MAPK8: variants seen among roughly 807,000 people sequenced by gnomAD.
MAPK8 encodes the protein JUN N-terminal kinase.
A neutral mutation model predicts 52.9 loss-of-function variants in MAPK8; 13 were observed. The ratio of observed to expected loss-of-function variants is 0.25; its 90% confidence interval spans 0.16 to 0.39. The LOEUF is 0.39. MAPK8 is among the 10% of genes least tolerant of loss of function. The pLI, the probability that MAPK8 is intolerant of heterozygous loss-of-function variation, is 1.00. For synonymous variants in MAPK8, 191 were observed against 169.8 expected, an observed-to-expected ratio of 1.12 and a Z score of -0.97; for missense variants, 300 against 519.2, an observed-to-expected ratio of 0.58 and a Z score of 4.10.
chr10:48,314,912 T>G lies in MAPK8; in HGVS notation c.-50+8091T>G, dbSNP rs117439228. 1.0e-3 allele frequency among the ~76,000 whole-genome samples: 158 copies of G among 152,308 alleles called. No individual in the cohort carries two copies. In the Middle Eastern group the frequency reaches 0.034, roughly 33 times the overall value. ...CCAACTTTATTTTCTTCACCAGATA[T>G]CCATCCATTTGTCCCTACACCATTT... is the stretch of plus-strand genomic sequence containing the variant. On this transcript the variant is annotated intron_variant, in intron 1 of 11. Transcript: ENST00000374189.
At chr10:48,430,788 G>A (rs1332649817) in intron 10 of MAPK8, 2 of 208,544 alleles carry the variant, frequency 9.6e-6, no homozygotes, top group East Asian at 1.6e-4. Flanking sequence ...CAGTGCACCA[G>A]GCTCTATTCC....
intron 1 of MAPK8, among the ~76,000 whole-genome samples, chr10:48,344,175 A>G (rs2889595): frequency 0.81 from 122,946 of 152,188 alleles, 49,854 homozygotes; most frequent in Middle Eastern, 0.9. Flanking sequence ...TCCCCTCTGT[A>G]ACCACAAGAA....
At chr10:48,403,210 C>T (rs753713681) in intron 2 of MAPK8, among the ~76,000 whole-genome samples, 4 of 152,010 alleles carry the variant, frequency 2.6e-5, no homozygotes, top group Admixed American at 6.6e-5. Flanking sequence ...CTATAATCCC[C>T]GCACTTTGGG....
At chr10:48,367,545 A>G (rs10437450) in intron 1 of MAPK8, among the ~76,000 whole-genome samples, 3,414 of 152,126 alleles carry the variant, frequency 0.022, 142 homozygotes, top group African/African-American at 0.078. Context: ...TATCTTGCAG[A>G]CAAAGATAAT....
At chr10:48,414,568 ATTTTTTTT>A (rs3047769) in intron 5 of MAPK8, among the ~76,000 whole-genome samples, 3 of 88,446 alleles carry the variant, frequency 3.4e-5, no homozygotes, top group South Asian at 4.6e-4. Flanking sequence ...GTTGAAAAGA[ATTTTTTTT>A]TTTTTTTTTT....
rs1005957113 is a variant in MAPK8, at chr10:48,381,793, A to G, written c.-49-19819A>G. ...TGACTCAAACATTTTATGATTATCT[A>G]TTACTTTATTAAACCTAACATGACT... On this transcript the variant is annotated intron_variant, in intron 1 of 11. Transcript: ENST00000374189. Among the ~76,000 whole-genome samples the G allele has an allele frequency of 5.3e-4, 80 of 152,200 alleles. 1 individual carries two copies. Among genetic ancestry groups the G allele is most frequent in the African/African-American group, 1.8e-3 (75 of 41,454 alleles).
chr10:48,324,520 T>TTTTTTTTTTTTTTTC (rs1843307756), intron 1 of MAPK8, among the ~76,000 whole-genome samples: 1 of 150,794 alleles, frequency 6.6e-6, no homozygotes, highest in African/African-American at 2.4e-5. Context: ...TTTTTTTTTT[T>TTTTTTTTTTTTTTTC]ACACTCATGA....
intron 1 of MAPK8, among the ~76,000 whole-genome samples, chr10:48,312,657 G>C (rs1842083399): frequency 6.6e-6 from 1 of 152,086 alleles, no homozygotes. Context: ...GATGCCATTG[G>C]GTCAACCAAA....
chr10:48,431,128 A>G (rs540373421), intron 10 of MAPK8, 65 bp from the exon 11 acceptor site: 1 of 986,702 alleles, frequency 1.0e-6, no homozygotes, highest in Non-Finnish European at 1.6e-6. Flanking sequence ...CACTTAAACC[A>G]TACATGCGTT....
intron 5 of MAPK8, among the ~76,000 whole-genome samples, chr10:48,414,568 ATTTTTTTTTTT>A (rs3047769): frequency 4.5e-5 from 4 of 88,446 alleles, no homozygotes; most frequent in African/African-American, 9.4e-5. Context: ...GTTGAAAAGA[ATTTTTTTTTTT>A]TTTTTTTTTT....
chr10:48,345,462 G>C (rs980497099), intron 1 of MAPK8, among the ~76,000 whole-genome samples: 4 of 152,168 alleles, frequency 2.6e-5, no homozygotes. Flanking sequence ...AAATGAATTA[G>C]GCACATTTCT....
rs1263851744 is a variant in MAPK8, at chr10:48,367,059, G to C, written c.-49-34553G>C. Among the ~76,000 whole-genome samples the C allele has an allele frequency of 2.0e-5, 3 of 152,274 alleles. No homozygotes were observed. In the East Asian group the frequency reaches 5.8e-4, roughly 29 times the overall value. On this transcript the variant is annotated intron_variant, in intron 1 of 11. Transcript: ENST00000374189. ...ATTGATTGAGGTATCATGGTTATTT[G>C]TGCACCCTTAAAATTAAGCCAATTT...
At chr10:48,411,522 T>C (rs2042745834) in intron 5 of MAPK8, among the ~76,000 whole-genome samples, 1 of 152,216 alleles carries the variant, frequency 6.6e-6, no homozygotes, top group Admixed American at 6.5e-5. Flanking sequence ...TGATCACTTT[T>C]AGCTTCGTAG....
At chr10:48,434,778 G>A (rs1164386170) in intron 11 of MAPK8, 106 bp from the exon 12 acceptor site, 20 of 992,050 alleles carry the variant, frequency 2.0e-5, no homozygotes, top group South Asian at 4.6e-5. Flanking sequence ...GTGAGCCTTC[G>A]AAACCCAAGA....
At chr10:48,358,957 A>G (rs1239427887) in intron 1 of MAPK8, among the ~76,000 whole-genome samples, 1 of 152,136 alleles carries the variant, frequency 6.6e-6, no homozygotes, top group Non-Finnish European at 1.5e-5. Flanking sequence ...TATTCCATTG[A>G]TCTGCATGTC....
At chr10:48,428,657 A>C (rs1455906336) in intron 10 of MAPK8, among the ~76,000 whole-genome samples, 2 of 152,244 alleles carry the variant, frequency 1.3e-5, no homozygotes, top group African/African-American at 2.4e-5. Context: ...AATTGGATAG[A>C]GTCTGCTGCA....
At chr10:48,427,714 G>A (rs992442274) in intron 10 of MAPK8, among the ~76,000 whole-genome samples, 1 of 152,088 alleles carries the variant, frequency 6.6e-6, no homozygotes. Context: ...GGATGGTCTC[G>A]ATCTCCTGAC....
chr10:48,307,400 A>C (rs1222366013), intron 1 of MAPK8, among the ~76,000 whole-genome samples: 4 of 152,200 alleles, frequency 2.6e-5, no homozygotes, highest in African/African-American at 9.6e-5. Flanking sequence ...GCTGCAGGGC[A>C]GAGAGCCCAG....
chr10:48,367,990 A>G (rs1200865358), intron 1 of MAPK8, among the ~76,000 whole-genome samples: 2 of 152,204 alleles, frequency 1.3e-5, no homozygotes, highest in East Asian at 3.8e-4. Context: ...TACTTGCTAC[A>G]GGAGATAATG....
Sources: allele counts gnomAD v4.1 joint callset (sites outside exome capture counted in the v4.1 genomes callset), GRCh38; gene constraint gnomAD v4.1.1; transcripts MANE v1.5; gene names NCBI Gene and HGNC (gene_info 2026-07-23, HGNC 2026-07-21).